CFDP1: variants seen among roughly 807,000 people sequenced by gnomAD.
The protein encoded by CFDP1 is heterochromatin-stabilizing protein CFDP1.
CFDP1 carries 31 observed loss-of-function variants against 40.1 expected under a neutral mutation model. The observed-to-expected ratio is 0.77, with a 90% CI of 0.58 to 1.04. The LOEUF (loss-of-function observed/expected upper bound fraction) is 1.04. Ranked by LOEUF, CFDP1 falls within the 50% of genes least tolerant of loss-of-function variation. The pLI is 0.00. For synonymous variants in CFDP1, 167 were observed against 120.0 expected (o/e 1.39, Z -2.56); for missense variants, 423 against 343.4 (o/e 1.23, Z -1.83).
intron 5 of CFDP1, among the ~76,000 whole-genome samples, chr16:75,319,061 T>G (rs1244407214): frequency 6.6e-6 from 1 of 152,188 alleles, no homozygotes; most frequent in South Asian, 2.1e-4. Context: ...ATTTATTTAT[T>G]TTTTTGAGAT....
intron 1 of CFDP1, among the ~76,000 whole-genome samples, chr16:75,430,451 G>A (rs971351565): frequency 1.3e-5 from 2 of 150,934 alleles, no homozygotes; most frequent in African/African-American, 4.9e-5. Context: ...GATTAAAGGT[G>A]TGAGCCACCG....
chr16:75,433,201 C>A (rs1432454815), intron 1 of CFDP1, 88 bp downstream of exon 1: 14 of 1,335,930 alleles, frequency 1.0e-5, no homozygotes, highest in Non-Finnish European at 1.5e-5. Context: ...ACCTGGGCCA[C>A]AGGGCAGACG....
chr16:75,299,312 G>A (rs2078205563), intron 6 of CFDP1, among the ~76,000 whole-genome samples: 1 of 152,084 alleles, frequency 6.6e-6, no homozygotes. Context: ...ACTTGGCCGG[G>A]TGCAGTGGCT....
intron 1 of CFDP1, among the ~76,000 whole-genome samples, chr16:75,421,986 T>C (rs2079285702): frequency 6.6e-6 from 1 of 152,372 alleles, no homozygotes; most frequent in South Asian, 2.1e-4. Flanking sequence ...ATATAAGTGC[T>C]ATATGAATAG....
intron 5 of CFDP1, among the ~76,000 whole-genome samples, chr16:75,386,509 G>C (rs866091048): frequency 1.3e-5 from 2 of 152,216 alleles, no homozygotes; most frequent in Non-Finnish European, 2.9e-5. Context: ...TGGATTGCTT[G>C]AGGTCAGGAG....
chr16:75,420,271 C>G (rs573106742), intron 1 of CFDP1, among the ~76,000 whole-genome samples: 1 of 152,198 alleles, frequency 6.6e-6, no homozygotes, highest in East Asian at 1.9e-4. Flanking sequence ...TAATAGTCAC[C>G]ACTATAGTTA....
At chr16:75,354,012 T>C (rs563222503) in intron 5 of CFDP1, among the ~76,000 whole-genome samples, 1 of 152,196 alleles carries the variant, frequency 6.6e-6, no homozygotes, top group Non-Finnish European at 1.5e-5. Context: ...GAAAGTGATA[T>C]GCATTCAGCA....
chr16:75,424,610 C>G (rs139983742), intron 1 of CFDP1, among the ~76,000 whole-genome samples: 1 of 151,942 alleles, frequency 6.6e-6, no homozygotes, highest in Non-Finnish European at 1.5e-5. Flanking sequence ...AAAAACTTAG[C>G]GGGCGTGGTG....
chr16:75,311,622 G>GT (rs1326055767), intron 5 of CFDP1, among the ~76,000 whole-genome samples: 3 of 152,296 alleles, frequency 2.0e-5, no homozygotes, highest in South Asian at 2.1e-4. Context: ...ACTTCAACAC[G>GT]TGAAGGCTGG....
At chr16:75,389,865 T>C (rs561993517) in intron 5 of CFDP1, among the ~76,000 whole-genome samples, 1 of 152,228 alleles carries the variant, frequency 6.6e-6, no homozygotes, top group African/African-American at 2.4e-5. Context: ...GGACCCGTCT[T>C]TTCCCAAGCA....
intron 5 of CFDP1, among the ~76,000 whole-genome samples, chr16:75,321,207 C>T (rs1323216393): frequency 6.6e-6 from 1 of 152,168 alleles, no homozygotes; most frequent in Non-Finnish European, 1.5e-5. Context: ...TCAAGGGATC[C>T]TCCTACCTCG....
intron 6 of CFDP1, among the ~76,000 whole-genome samples, chr16:75,298,389 C>G (rs1447234587): frequency 6.6e-6 from 1 of 152,168 alleles, no homozygotes; most frequent in East Asian, 1.9e-4. Flanking sequence ...GAGATGCCTC[C>G]TGCACCGCTG....
At chr16:75,348,376 T>C (rs2078585102) in intron 5 of CFDP1, among the ~76,000 whole-genome samples, 1 of 152,212 alleles carries the variant, frequency 6.6e-6, no homozygotes, top group Non-Finnish European at 1.5e-5. Flanking sequence ...GAAGCGCTTA[T>C]GGGAACTCTG....
At position 75,387,313 on chromosome 16, in the gene CFDP1, T is replaced by C. The variant is rs537957115; in HGVS notation, c.650+7777A>G. ...CCACCACCACGCCCGGAGAATTTTT[T>C]GTTTTTTTAGTGGAGACGGGGGTTT... On this transcript the variant is annotated intron_variant, in intron 5 of 6. Coordinates refer to ENST00000283882, the MANE Select transcript of CFDP1 (RefSeq NM_006324.3). Among the ~76,000 whole-genome samples the C allele has an allele frequency of 2.0e-5, 3 of 152,266 alleles. No individual in the cohort carries two copies. In the South Asian group the frequency reaches 6.2e-4, roughly 32 times the overall value.
intron 1 of CFDP1, among the ~76,000 whole-genome samples, chr16:75,428,941 C>T (rs1457310463): frequency 4.6e-5 from 7 of 151,760 alleles, no homozygotes; most frequent in Non-Finnish European, 1.0e-4. Flanking sequence ...ATGGTGAAAT[C>T]CCGTCTCTAC....
chr16:75,427,086 A>G (rs547345297), intron 1 of CFDP1, among the ~76,000 whole-genome samples: 2 of 151,870 alleles, frequency 1.3e-5, no homozygotes, highest in African/African-American at 4.8e-5. Context: ...CTGACAAAGG[A>G]CTATATCCAG....
At chr16:75,377,507 T>C (rs866129127) in intron 5 of CFDP1, among the ~76,000 whole-genome samples, 1 of 152,158 alleles carries the variant, frequency 6.6e-6, no homozygotes, top group African/African-American at 2.4e-5. Context: ...CCAATGAATG[T>C]CCATATAACA....
rs2078455341 is a variant in CFDP1 at position 75,332,756 on chromosome 16, A to G, written c.651-27574T>C. On this transcript the variant is annotated intron_variant, in intron 5 of 6. Transcript: ENST00000283882. ...ATATAAAAACATATTTCAGATATAT[A>G]TTTTACAATTTTTTTCTGTCTGTGG... Among the ~76,000 whole-genome samples the G allele has an allele frequency of 2.8e-5, 4 of 143,784 alleles. No individual in the cohort carries two copies. The South Asian group carries it at 8.8e-4, about 31-fold the overall frequency. The allele number at this position is 143,784 out of a possible 152,430, so 94.3% of individuals were successfully genotyped here.
chr16:75,398,011 T>C (rs2079012248), intron 4 of CFDP1, among the ~76,000 whole-genome samples: 1 of 152,170 alleles, frequency 6.6e-6, no homozygotes, highest in Non-Finnish European at 1.5e-5. Context: ...ACACCTCAAC[T>C]GGCTGCTGGT....
Sources: gnomAD v4.1 joint callset for allele counts (sites outside exome capture counted in the v4.1 genomes callset) on GRCh38, gnomAD v4.1.1 for gene constraint, MANE v1.5 for transcripts, NCBI Gene and HGNC (gene_info 2026-07-23, HGNC 2026-07-21) for gene names.